LDB2: variants seen among roughly 807,000 people sequenced by gnomAD.
LDB2 encodes the protein LIM domain binding 2.
LDB2 carries 12 observed loss-of-function variants against 44.3 expected under a neutral mutation model. The ratio of observed to expected loss-of-function variants is 0.27; its 90% CI spans 0.17 to 0.44. The LOEUF (loss-of-function observed/expected upper bound fraction) is 0.44. Ranked by LOEUF, LDB2 falls within the 20% of genes least tolerant of loss-of-function variation. The pLI, the probability that LDB2 is intolerant of heterozygous loss-of-function variation, is 1.00. For synonymous variants in LDB2, 164 were observed against 174.8 expected (o/e 0.94, Z 0.49); for missense variants, 344 against 473.5 (o/e 0.73, Z 2.54).
intron 3 of LDB2, among the ~76,000 whole-genome samples, chr4:16,590,823 T>C (rs1718667142): frequency 6.6e-6 from 1 of 152,196 alleles, no homozygotes; most frequent in Non-Finnish European, 1.5e-5. Context: ...TTCTGGTGTC[T>C]CAGCCATGAG....
intron 1 of LDB2, among the ~76,000 whole-genome samples, chr4:16,845,835 C>T (rs925294847): frequency 6.6e-6 from 1 of 151,766 alleles, no homozygotes; most frequent in Admixed American, 6.6e-5. Flanking sequence ...AGCCTGGGCG[C>T]GGTGGCTCCT....
chr4:16,589,739 A>G lies in LDB2; in HGVS notation c.409-907T>C, dbSNP rs955381275. Among the ~76,000 whole-genome samples, 7 of 152,298 alleles carry G rather than the reference A, an allele frequency of 4.6e-5. 1 individual carries two copies. The East Asian group carries it at 1.2e-3, about 25-fold the overall frequency. On this transcript the variant is annotated intron_variant, in intron 3 of 7. Transcript: ENST00000304523. ...TGGTGGTAGTGTATTGGTTCAATTTAAATAGTTACAACTCATTAATCAGAC... is the reference window on the plus strand; with the variant it reads ...TGGTGGTAGTGTATTGGTTCAATTTGAATAGTTACAACTCATTAATCAGAC...
At chr4:16,778,086 T>G (rs1198395677) in intron 1 of LDB2, among the ~76,000 whole-genome samples, 5 of 152,170 alleles carry the variant, frequency 3.3e-5, no homozygotes, top group African/African-American at 1.2e-4. Context: ...ACCTCAACTT[T>G]ATATTCTCCA....
intron 1 of LDB2, among the ~76,000 whole-genome samples, chr4:16,896,898 C>T (rs2110568945): frequency 6.6e-6 from 1 of 152,318 alleles, no homozygotes; most frequent in South Asian, 2.1e-4. Flanking sequence ...ATATCAGTCA[C>T]TGCCAACAGT....
intron 1 of LDB2, among the ~76,000 whole-genome samples, chr4:16,826,950 G>A (rs902165139): frequency 6.6e-6 from 1 of 152,152 alleles, no homozygotes; most frequent in Non-Finnish European, 1.5e-5. Context: ...TACTAAACTA[G>A]GCTTGATTGG....
At chr4:16,675,232 G>T (rs968277198) in intron 2 of LDB2, among the ~76,000 whole-genome samples, 5 of 152,104 alleles carry the variant, frequency 3.3e-5, no homozygotes, top group Non-Finnish European at 7.3e-5. Context: ...ATTGCCATTG[G>T]CATCCATCAC....
chr4:16,761,745 AG>A (rs1189701695), intron 1 of LDB2, among the ~76,000 whole-genome samples: 1 of 152,230 alleles, frequency 6.6e-6, no homozygotes, highest in African/African-American at 2.4e-5. Context: ...AGCACCCCAA[AG>A]ACAGTGAAGA....
At chr4:16,896,592 G>A (rs955447966) in intron 1 of LDB2, among the ~76,000 whole-genome samples, 3 of 152,098 alleles carry the variant, frequency 2.0e-5, no homozygotes, top group Non-Finnish European at 4.4e-5. Context: ...TAAAATGTAA[G>A]GTGGACAGGT....
At chr4:16,581,340 G>C (rs11733573) in intron 5 of LDB2, 67,259 of 870,198 alleles carry the variant, frequency 0.077, 2,855 homozygotes, top group Non-Finnish European at 0.083. Context: ...CTAGTAAGAA[G>C]ATGATGTTCT....
chr4:16,591,183 T>A (rs1450345500), intron 3 of LDB2, among the ~76,000 whole-genome samples: 4 of 152,240 alleles, frequency 2.6e-5, no homozygotes, highest in African/African-American at 9.6e-5. Context: ...TTGTTTTGCA[T>A]TTATGAACCA....
intron 2 of LDB2, among the ~76,000 whole-genome samples, chr4:16,640,366 A>G (rs1734802354): frequency 6.6e-6 from 1 of 152,238 alleles, no homozygotes; most frequent in African/African-American, 2.4e-5. Context: ...TTAGTGGATT[A>G]TAGATCGTTA....
At chr4:16,704,604 A>T (rs1754195745) in intron 2 of LDB2, among the ~76,000 whole-genome samples, 1 of 152,240 alleles carries the variant, frequency 6.6e-6, no homozygotes, top group African/African-American at 2.4e-5. Flanking sequence ...TCCTGGCTAC[A>T]GCTCAAAGCA....
At chr4:16,615,465 T>G (rs1727008465) in intron 2 of LDB2, among the ~76,000 whole-genome samples, 1 of 152,140 alleles carries the variant, frequency 6.6e-6, no homozygotes, top group African/African-American at 2.4e-5. Context: ...GGGACATGGA[T>G]GAAGCTGGAA....
At position 16,752,041 on chromosome 4, in the gene LDB2, C is replaced by T. The variant is rs147192747; in HGVS notation, c.235+7117G>A. Among the ~76,000 whole-genome samples, 26 of 152,250 alleles carry T rather than the reference C, an allele frequency of 1.7e-4. 1 individual carries two copies. Among genetic ancestry groups the T allele is most frequent in the Admixed American group, 9.2e-4 (14 of 15,294 alleles). On this transcript the variant is annotated intron_variant, in intron 2 of 7. Transcript: ENST00000304523. The stretch of plus-strand genomic sequence containing the variant: ...GGAAACCATTTAATGGAACCCCATG[C>T]GAATAAATGCATGGTCCAGGGTCAT...
intron 2 of LDB2, among the ~76,000 whole-genome samples, chr4:16,744,953 TTGTA>T (rs1436824736): frequency 6.6e-6 from 1 of 152,242 alleles, no homozygotes; most frequent in African/African-American, 2.4e-5. Flanking sequence ...GTATCAGGGA[TTGTA>T]TGTATGTTAC....
chr4:16,888,378 C>G (rs1722371250), intron 1 of LDB2, among the ~76,000 whole-genome samples: 1 of 152,176 alleles, frequency 6.6e-6, no homozygotes, highest in South Asian at 2.1e-4. Context: ...ATTGGTCAAC[C>G]CTTACTACTT....
At chr4:16,853,307 T>A (rs934324955) in intron 1 of LDB2, among the ~76,000 whole-genome samples, 8 of 152,066 alleles carry the variant, frequency 5.3e-5, no homozygotes. Context: ...ATAATCCAGT[T>A]AGAAAATGGG....
intron 5 of LDB2, among the ~76,000 whole-genome samples, chr4:16,576,830 T>A (rs78144717): frequency 1.3e-5 from 2 of 152,050 alleles, no homozygotes; most frequent in African/African-American, 4.8e-5. Context: ...GCAAAAATCC[T>A]CAATAAAATA....
At chr4:16,517,176 A>C (rs1169473004) in intron 5 of LDB2, among the ~76,000 whole-genome samples, 1 of 152,124 alleles carries the variant, frequency 6.6e-6, no homozygotes, top group East Asian at 1.9e-4. Context: ...CCCTCAAGAG[A>C]ATCTGGTGAA....
Sources: gnomAD v4.1 joint callset for allele counts (sites outside exome capture counted in the v4.1 genomes callset) on GRCh38, gnomAD v4.1.1 for gene constraint, MANE v1.5 for transcripts, NCBI Gene and HGNC (gene_info 2026-07-23, HGNC 2026-07-21) for gene names.